Variants in HMCN2 observed in about 807,000 individuals in gnomAD.
The protein encoded by HMCN2 is hemicentin 2, also known as hemicentin-2.
In HMCN2, 325 loss-of-function variants were observed where a neutral mutation model predicts 377.5. The observed-to-expected ratio is 0.86, with a 90% CI of 0.79 to 0.94. HMCN2 has a LOEUF of 0.94. Ranked by LOEUF, HMCN2 falls within the 40% of genes least tolerant of loss-of-function variation. The probability of loss-of-function intolerance (pLI) is 0.00; values close to 1 mark genes in which losing one functional copy is unlikely to be tolerated. For missense variants in HMCN2, 4,543 were observed against 4,725.3 expected, an observed-to-expected ratio of 0.96 and a Z score of 1.13; for synonymous variants, 2,007 against 2,046.8, an observed-to-expected ratio of 0.98 and a Z score of 0.53.
intron 34 of HMCN2, among the ~76,000 whole-genome samples, chr9:130,357,442 G>A (rs1162846318): frequency 6.8e-6 from 1 of 146,640 alleles, no homozygotes; most frequent in Non-Finnish European, 1.5e-5. Flanking sequence ...GGATGGATGA[G>A]TGGATTGATG....
Position 130,379,432 on chromosome 9 carries a change from C to A in HMCN2, c.8396C>A (p.Pro2799His). Residue 2799 changes from proline (P) to histidine (H), a missense_variant, in exon 54 of 98, where the codon CCC becomes CAC. Coordinates refer to ENST00000683500, the MANE Select transcript of HMCN2 (RefSeq NM_001291815.2). The part of the protein sequence containing the change: ...PDLTWYREDQ[P>H]LSAGDEVSVL... ...CTCACCTGGTACAGAGAGGATCAGC[C>A]CCTCTCGGCCGGGGATGAGGTGTCT... 1.0e-6 allele frequency: 1 copy of A among 985,848 alleles called. No individual in the cohort carries two copies. The highest frequency in any genetic ancestry group is 1.7e-5 in the African/African-American group (1 of 57,336). 61.1% of individuals were successfully genotyped at this position (985,848 alleles called of 1,614,324 possible). A position where few individuals can be genotyped will look rare whatever the true frequency, so the allele number is the denominator to read the frequency against.
intron 22 of HMCN2, among the ~76,000 whole-genome samples, chr9:130,334,801 T>TCTCTCTCTCTCTCTC (rs1216830147): frequency 7.0e-6 from 1 of 142,748 alleles, no homozygotes; most frequent in Non-Finnish European, 1.5e-5. Context: ...CTCTCTCTCT[T>TCTCTCTCTCTCTCTC]CTCTCTCTCT....
Position 130,376,551 on chromosome 9 carries a change from GA to G in HMCN2, c.7955del (p.Glu2652GlyfsTer4), listed in dbSNP as rs1398753888. On this transcript the variant is annotated frameshift_variant, in exon 52 of 98. Transcript: ENST00000683500. LOFTEE classifies it high-confidence loss of function. ...CATCTCCAAAGACGACCCCTTGGCGGAGGTCGGCGTGAAGGAGGTGAAGACC... is the reference window on the plus strand; with the variant it reads ...CATCTCCAAAGACGACCCCTTGGCGGGGTCGGCGTGAAGGAGGTGAAGACC... ...PSISKDDPLA[E>X]VGVKEVKTKV... The G allele has an allele frequency of 2.0e-6, 2 of 985,752 alleles. No individual in the cohort carries two copies. The highest frequency in any genetic ancestry group is 3.5e-5 in the African/African-American group (2 of 57,216). The allele number at this position is 985,752 out of a possible 1,614,324, so 61.1% of individuals were successfully genotyped here.
At position 130,265,812 on chromosome 9, in the gene HMCN2, C is replaced by G. The variant is rs1834058142; in HGVS notation, c.-67C>G. The G allele has an allele frequency of 7.0e-6, 2 of 287,420 alleles. No homozygotes were observed. Among genetic ancestry groups the G allele is most frequent in the Non-Finnish European group, 1.3e-5 (2 of 148,420 alleles). The allele number at this position is 287,420 out of a possible 1,614,324, so 17.8% of individuals were successfully genotyped here. Reference sequence around the variant, plus strand: ...GCACTGCCTGCAGCCGCCGTGTGCACCGGGGCGGCCGGCTAGCTCCGACCT... The same window carrying G: ...GCACTGCCTGCAGCCGCCGTGTGCAGCGGGGCGGCCGGCTAGCTCCGACCT... On this transcript the variant is annotated 5_prime_UTR_variant, in exon 1 of 98. Transcript: ENST00000683500.
At position 130,347,599 on chromosome 9, in the gene HMCN2, G is replaced by A; in HGVS notation, c.4024+239G>A. On this transcript the variant is annotated intron_variant, in intron 26 of 97. Transcript: ENST00000683500. This position sits in a 1 kb window ranked among gnomAD's most constrained non-coding sequence, Gnocchi z 5.1. ...GACAGGGAGGGCTTGAGGGGGCTGG[G>A]AGAGTGGCAGGTTGCACTGTACACC... Among the ~76,000 whole-genome samples the A allele has an allele frequency of 6.6e-6, 1 of 152,290 alleles. No homozygotes were observed. Among genetic ancestry groups the A allele is most frequent in the South Asian group, 2.1e-4 (1 of 4,822 alleles).
At chr9:130,321,308 G>GTGGT (rs1554942135) in intron 18 of HMCN2, among the ~76,000 whole-genome samples, 4 of 152,074 alleles carry the variant, frequency 2.6e-5, no homozygotes, top group African/African-American at 9.7e-5. Flanking sequence ...TGAACGCACA[G>GTGGT]TGGTTGCCTT....
chr9:130,352,930 C>G lies in HMCN2; in HGVS notation c.4589C>G (p.Pro1530Arg), dbSNP rs1403728269. The G allele has an allele frequency of 2.4e-6, 3 of 1,275,684 alleles. No homozygotes were observed. Among genetic ancestry groups the G allele is most frequent in the Non-Finnish European group, 2.1e-6 (2 of 973,146 alleles). 79.0% of individuals were successfully genotyped at this position (1,275,684 alleles called of 1,614,324 possible). A position where few individuals can be genotyped will look rare whatever the true frequency, so the allele number is the denominator to read the frequency against. The change falls in exon 31 of 98, where the codon CCC becomes CGC. Residue 1530 changes from proline (P) to arginine (R), a missense_variant. By Grantham distance (103) the Pro-to-Arg change is moderately radical. This residue lies in a region of HMCN2 where 1,032 missense variants were observed against 1,285.1 expected (regional missense o/e 0.80). Coordinates refer to ENST00000683500, the MANE Select transcript of HMCN2 (RefSeq NM_001291815.2). ...ARDFQLRVHA[P>R]PTIWGSNETG... ...GCCCCACCTCTTTCCTTCTCAGCGC[C>G]CCCCACTATCTGGGGCTCCAACGAG...
intron 1 of HMCN2, among the ~76,000 whole-genome samples, chr9:130,274,328 T>C (rs1834561763): frequency 1.3e-5 from 2 of 152,236 alleles, no homozygotes; most frequent in African/African-American, 4.8e-5. Flanking sequence ...AGTACTGGGA[T>C]TGCAGGTGTG....
intron 78 of HMCN2, 73 bp downstream of exon 78, chr9:130,402,969 G>A (rs1447095349): frequency 1.7e-6 from 2 of 1,177,518 alleles, no homozygotes; most frequent in East Asian, 5.8e-5. Context: ...GGCAGGTGGG[G>A]CTCAGGATGG....
rs892115661 is a variant in HMCN2 at position 130,320,175 on chromosome 9, T to C, written c.2552-181T>C. 9.9e-3 allele frequency among the ~76,000 whole-genome samples: 1,513 copies of C among 152,318 alleles called. 27 individuals carry two copies. The highest frequency in any genetic ancestry group is 0.034 in the African/African-American group (1,431 of 41,560). ...ATGAGCAAACTGAGGCTTTCTCACCTTCCAAGGTCCAGCGGTGTCCCTCAC... is the reference window on the plus strand; with the variant it reads ...ATGAGCAAACTGAGGCTTTCTCACCCTCCAAGGTCCAGCGGTGTCCCTCAC... On this transcript the variant is annotated intron_variant, in intron 16 of 97. Transcript: ENST00000683500.
chr9:130,322,318 TA>T (rs1837895393), intron 19 of HMCN2, among the ~76,000 whole-genome samples: 1 of 59,036 alleles, frequency 1.7e-5, no homozygotes. Context: ...TCTATCTATC[TA>T]ATCTATCTAT....
intron 90 of HMCN2, 146 bp downstream of exon 90, chr9:130,426,070 C>T: frequency 1.5e-6 from 1 of 664,602 alleles, no homozygotes. Context: ...CCCGGCTGGC[C>T]TACTCACCTG....
At chr9:130,397,843 A>G (rs1046757345) in intron 74 of HMCN2, among the ~76,000 whole-genome samples, 188 bp downstream of exon 74, 3 of 152,172 alleles carry the variant, frequency 2.0e-5, no homozygotes, top group African/African-American at 7.2e-5. Flanking sequence ...TAGTGCATAT[A>G]TTACGTAACA....
At position 130,361,724 on chromosome 9, in the gene HMCN2, C is replaced by A. The variant is rs953765420; in HGVS notation, c.5951-284C>A. On this transcript the variant is annotated intron_variant, in intron 38 of 97. Transcript: ENST00000683500. The surrounding 1 kb of genome is among the most constrained non-coding windows in gnomAD (Gnocchi z 4.8). ...CCCATAATAAATGACCTTCTGCTGA[C>A]CAGAGGCCTGAGTGCGAGTGCTGCT... Among the ~76,000 whole-genome samples the A allele has an allele frequency of 3.9e-5, 6 of 152,224 alleles. No homozygotes were observed. Among genetic ancestry groups the A allele is most frequent in the Non-Finnish European group, 8.8e-5 (6 of 68,034 alleles).
chr9:130,408,546 C>T (rs1178182469), intron 83 of HMCN2, among the ~76,000 whole-genome samples, 197 bp from the exon 84 acceptor site: 2 of 152,194 alleles, frequency 1.3e-5, no homozygotes, highest in Non-Finnish European at 2.9e-5. Context: ...AAGTCTTTGC[C>T]AGTCTTTGTG....
intron 3 of HMCN2, among the ~76,000 whole-genome samples, chr9:130,285,802 G>T (rs1554927453): frequency 6.6e-6 from 1 of 152,188 alleles, no homozygotes; most frequent in Non-Finnish European, 1.5e-5. Context: ...AAGATCCACA[G>T]GGCCGGGACT....
chr9:130,328,744 GC>G (rs1427133043), intron 22 of HMCN2, among the ~76,000 whole-genome samples: 1 of 152,184 alleles, frequency 6.6e-6, no homozygotes, highest in Non-Finnish European at 1.5e-5. Flanking sequence ...ACCTCGGGTG[GC>G]CACTGGCTCC....
rs1835891780 is a variant in HMCN2, at chr9:130,293,075, CA to C, written c.613-1778del. Among the ~76,000 whole-genome samples the C allele has an allele frequency of 2.0e-5, 3 of 151,846 alleles. No individual in the cohort carries two copies. The South Asian group carries it at 6.2e-4, about 32-fold the overall frequency. ...TCTGGAGAACTTATACTGATATTTCCAATTCAAATTTCACATTGTAGATCTT... is the reference window on the plus strand; with the variant it reads ...TCTGGAGAACTTATACTGATATTTCCATTCAAATTTCACATTGTAGATCTT... On this transcript the variant is annotated intron_variant, in intron 4 of 97. Transcript: ENST00000683500.
At chr9:130,344,195 G>T (rs922327813) in intron 25 of HMCN2, among the ~76,000 whole-genome samples, 2 of 152,210 alleles carry the variant, frequency 1.3e-5, no homozygotes, top group Admixed American at 1.3e-4. Context: ...CCCCGGCGTG[G>T]CGGGAAGTAC....
Sources: allele counts gnomAD v4.1 joint callset (sites outside exome capture counted in the v4.1 genomes callset), GRCh38; gene constraint gnomAD v4.1.1; regional missense constraint gnomAD v4.1.1; non-coding constraint Gnocchi (gnomAD v3.1); transcripts MANE v1.5; gene names NCBI Gene and HGNC (gene_info 2026-07-23, HGNC 2026-07-21).